Variants in ANKRD55 observed in about 807,000 individuals in gnomAD.
ANKRD55 encodes ankyrin repeat domain 55.
Under a neutral mutation model 60.6 loss-of-function variants are expected in ANKRD55, and 41 were observed. That is an observed-to-expected ratio of 0.68 (90% CI 0.53 to 0.88). The LOEUF (loss-of-function observed/expected upper bound fraction) is 0.88, where lower values mean the gene tolerates loss of function less well. ANKRD55 is among the 40% of genes least tolerant of loss of function. The pLI, the probability that ANKRD55 is intolerant of heterozygous loss-of-function variation, is 0.00. For missense variants in ANKRD55, 732 were observed against 767.6 expected (o/e 0.95, Z 0.55); for synonymous variants, 264 against 290.3 (o/e 0.91, Z 0.92).
At chr5:56,115,463 C>T (rs1272773409) in intron 9 of ANKRD55, among the ~76,000 whole-genome samples, 2 of 151,852 alleles carry the variant, frequency 1.3e-5, no homozygotes, top group East Asian at 1.9e-4. Flanking sequence ...GGGTTACAGG[C>T]ACGCACCACC....
At chr5:56,214,142 G>A (rs1352658045) in intron 2 of ANKRD55, among the ~76,000 whole-genome samples, 1 of 152,192 alleles carries the variant, frequency 6.6e-6, no homozygotes, top group Non-Finnish European at 1.5e-5. Flanking sequence ...CCACCCCCAT[G>A]ATTCAATTAT....
intron 6 of ANKRD55, among the ~76,000 whole-genome samples, chr5:56,148,759 C>T (rs1757962193): frequency 1.3e-5 from 2 of 151,112 alleles, no homozygotes; most frequent in South Asian, 2.1e-4. Flanking sequence ...TGTCTCTAGA[C>T]AACACTGAAA....
intron 2 of ANKRD55, among the ~76,000 whole-genome samples, chr5:56,206,663 AG>A (rs1759517825): frequency 6.6e-6 from 1 of 152,184 alleles, no homozygotes; most frequent in South Asian, 2.1e-4. Flanking sequence ...AACCCCCACC[AG>A]CAGAATCTGA....
chr5:56,196,200 A>G (rs756293022), intron 2 of ANKRD55, among the ~76,000 whole-genome samples: 4 of 152,294 alleles, frequency 2.6e-5, no homozygotes, highest in South Asian at 2.1e-4. Context: ...TGATAATACT[A>G]CCTACCTCAC....
At chr5:56,195,035 G>T (rs1044423259) in intron 2 of ANKRD55, among the ~76,000 whole-genome samples, 2 of 152,112 alleles carry the variant, frequency 1.3e-5, no homozygotes, top group African/African-American at 2.4e-5. Flanking sequence ...ATTTTGACAA[G>T]AATTAATTAA....
chr5:56,182,569 CTT>C lies in ANKRD55; in HGVS notation c.181+941_181+942del, dbSNP rs552664091. On this transcript the variant is annotated intron_variant, in intron 3 of 11. Coordinates refer to ENST00000341048, the MANE Select transcript of ANKRD55 (RefSeq NM_024669.3). ...TCTTTGTGAGATAATTCTAACATCT[CTT>C]TCATTGGCATCTGTTGATTATTTTT... is the stretch of plus-strand genomic sequence containing the variant. 3.9e-5 allele frequency among the ~76,000 whole-genome samples: 6 copies of C among 152,228 alleles called. No individual in the cohort carries two copies. The South Asian group carries it at 1.2e-3, about 32-fold the overall frequency.
chr5:56,109,908 C>T (rs1462194311), intron 10 of ANKRD55, among the ~76,000 whole-genome samples: 2 of 151,980 alleles, frequency 1.3e-5, no homozygotes, highest in Non-Finnish European at 2.9e-5. Context: ...GTCTCAGCTA[C>T]TTGGGAGGCT....
chr5:56,111,037 C>T (rs1321691832), intron 10 of ANKRD55, 81 bp downstream of exon 10: 1 of 1,491,344 alleles, frequency 6.7e-7, no homozygotes, highest in Non-Finnish European at 9.1e-7. Flanking sequence ...GCTATTGTCA[C>T]TCCAGTTCCT....
intron 2 of ANKRD55, among the ~76,000 whole-genome samples, chr5:56,217,216 T>C (rs1311494511): frequency 2.0e-5 from 3 of 152,224 alleles, no homozygotes; most frequent in African/African-American, 7.2e-5. Flanking sequence ...TTACTGAATA[T>C]TTTAAGCCTA....
At position 56,102,547 on chromosome 5, in the gene ANKRD55, A is replaced by G. The variant is rs1279749489; in HGVS notation, c.1670T>C (p.Ile557Thr). ...GTTCCGAGTGAAAGGAAGATCCCTG[A>G]TTTTGTGTCTGTTTGGGGAAAGATG... ...FQHLSPNRHK[I>T]RDLPFTRNNL... is the part of the protein sequence containing the mutation. Residue 557 changes from isoleucine to threonine, a missense_variant, in exon 11 of 12, where the codon ATC (isoleucine) becomes ACC (threonine). Physicochemically the swap from Ile to Thr is moderately conservative, Grantham distance 89 (BLOSUM62 -1). Coordinates refer to ENST00000341048, the MANE Select transcript of ANKRD55 (RefSeq NM_024669.3). 1.2e-6 allele frequency: 2 copies of G among 1,613,706 alleles called. No homozygotes were observed. The highest frequency in any genetic ancestry group is 1.7e-6 in the Non-Finnish European group (2 of 1,179,804).
chr5:56,153,290 G>A (rs961902718), intron 6 of ANKRD55, among the ~76,000 whole-genome samples: 4 of 150,870 alleles, frequency 2.7e-5, no homozygotes, highest in Admixed American at 2.0e-4. Context: ...CAACAACAAC[G>A]ACACGCAGCT....
At chr5:56,202,526 G>A (rs1759403104) in intron 2 of ANKRD55, among the ~76,000 whole-genome samples, 1 of 152,124 alleles carries the variant, frequency 6.6e-6, no homozygotes, top group South Asian at 2.1e-4. Flanking sequence ...GAGTGTTTTA[G>A]AAAGTGTCAG....
intron 3 of ANKRD55, among the ~76,000 whole-genome samples, chr5:56,177,629 G>A (rs1160899408): frequency 1.3e-5 from 2 of 152,040 alleles, no homozygotes; most frequent in Non-Finnish European, 2.9e-5. Context: ...AAAAAAATTA[G>A]CCGGGCATGG....
At chr5:56,221,860 G>A (rs1423086821) in intron 2 of ANKRD55, among the ~76,000 whole-genome samples, 1 of 152,224 alleles carries the variant, frequency 6.6e-6, no homozygotes, top group Non-Finnish European at 1.5e-5. Context: ...GCTCGAACTG[G>A]GTGGAGCCCA....
intron 2 of ANKRD55, among the ~76,000 whole-genome samples, chr5:56,195,857 T>A (rs2111850081): frequency 6.6e-6 from 1 of 152,362 alleles, no homozygotes; most frequent in Non-Finnish European, 1.5e-5. Flanking sequence ...TCTGCCCACA[T>A]AGTGAAAACA....
At chr5:56,157,877 A>G (rs985850189) in intron 6 of ANKRD55, among the ~76,000 whole-genome samples, 3 of 151,874 alleles carry the variant, frequency 2.0e-5, no homozygotes, top group Non-Finnish European at 4.4e-5. Context: ...CTTCTTCTAT[A>G]CTTTGTCTCT....
intron 2 of ANKRD55, among the ~76,000 whole-genome samples, chr5:56,220,511 A>T (rs187555254): frequency 6.6e-6 from 1 of 152,176 alleles, no homozygotes; most frequent in Non-Finnish European, 1.5e-5. Flanking sequence ...CTTATTCAGG[A>T]GTGATCAAGA....
intron 6 of ANKRD55, among the ~76,000 whole-genome samples, chr5:56,159,323 T>C (rs2111791880): frequency 6.6e-6 from 1 of 152,236 alleles, no homozygotes; most frequent in South Asian, 2.1e-4. Flanking sequence ...TAGCCGGGTG[T>C]GGTGGCGCCT....
intron 6 of ANKRD55, among the ~76,000 whole-genome samples, chr5:56,147,869 C>T (rs1291674991): frequency 2.0e-5 from 3 of 152,172 alleles, no homozygotes; most frequent in Non-Finnish European, 4.4e-5. Flanking sequence ...CCTACAACTG[C>T]TTCCTTCTCC....
Sources: allele counts gnomAD v4.1 joint callset (sites outside exome capture counted in the v4.1 genomes callset), GRCh38; gene constraint gnomAD v4.1.1; transcripts MANE v1.5; gene names NCBI Gene and HGNC (gene_info 2026-07-23, HGNC 2026-07-21).